The following SPINK9 variants were observed in gnomAD, a reference collection of about 807,000 sequenced individuals.
SPINK9 encodes the protein serine peptidase inhibitor Kazal type 9.
SPINK9 carries 3 observed loss-of-function variants against 10.8 expected under a neutral mutation model. The ratio of observed to expected loss-of-function variants is 0.28; its 90% CI spans 0.13 to 0.72. The LOEUF (loss-of-function observed/expected upper bound fraction) is 0.72, where lower values mean the gene tolerates loss of function less well. Among genes scored for constraint, SPINK9 ranks in the 30% least tolerant of loss-of-function variants. SPINK9 has a pLI of 0.74. For synonymous variants in SPINK9, 30 were observed against 31.2 expected (o/e 0.96, Z 0.12); for missense variants, 101 against 103.2 (o/e 0.98, Z 0.09).
At chr5:148,325,320 A>G (rs985618319) in intron 2 of SPINK9, among the ~76,000 whole-genome samples, 8 of 152,084 alleles carry the variant, frequency 5.3e-5, no homozygotes, top group African/African-American at 1.9e-4. Context: ...TCTATGTTTA[A>G]CTTTTTGAGG....
intron 2 of SPINK9, among the ~76,000 whole-genome samples, chr5:148,325,212 T>C (rs1757043957): frequency 6.6e-6 from 1 of 152,118 alleles, no homozygotes; most frequent in Non-Finnish European, 1.5e-5. Context: ...ATTTGGGGTT[T>C]TATAAATAAG....
chr5:148,327,602 T>A (rs200019324), intron 2 of SPINK9, among the ~76,000 whole-genome samples: 5 of 151,978 alleles, frequency 3.3e-5, no homozygotes, highest in Admixed American at 6.6e-5. Context: ...CTGAATGGTA[T>A]TGCCTAGGTT....
Position 148,338,494 on chromosome 5 carries a change from A to G in SPINK9, c.104A>G (p.Tyr35Cys). Residue 35 changes from tyrosine (Y) to cysteine (C), a missense_variant, in exon 3 of 4, where the codon TAT becomes TGT. Coordinates refer to ENST00000377906, the MANE Select transcript of SPINK9 (RefSeq NM_001040433.2). ...TTTTTTCAGGTTGACTGCAGTCATT[A>G]TAAAAAGTTACCACCAGGACAACAG... ...QTKQMVDCSH[Y>C]KKLPPGQQRF... The G allele has an allele frequency of 6.2e-7, 1 of 1,604,322 alleles. No homozygotes were observed. Among genetic ancestry groups the G allele is most frequent in the Non-Finnish European group, 8.5e-7 (1 of 1,176,758 alleles).
chr5:148,332,703 TCTAAAGTTCCA>T (rs1172349461), upstream of SPINK9, among the ~76,000 whole-genome samples: 2 of 152,214 alleles, frequency 1.3e-5, no homozygotes, highest in Non-Finnish European at 2.9e-5. Flanking sequence ...CATGGACTAT[TCTAAAGTTCCA>T]CTAAAGTGAA....
chr5:148,329,951 T>C (rs1367444712), intron 2 of SPINK9, among the ~76,000 whole-genome samples: 1 of 152,134 alleles, frequency 6.6e-6, no homozygotes, highest in African/African-American at 2.4e-5. Context: ...GGAATAGGTG[T>C]GGTGTGGTGC....
At chr5:148,333,590 T>C (rs920692318), upstream of SPINK9, among the ~76,000 whole-genome samples, 1 of 152,130 alleles carries the variant, frequency 6.6e-6, no homozygotes, top group African/African-American at 2.4e-5. Flanking sequence ...GTCATTGCCA[T>C]GGAAAGGGGC....
intron 2 of SPINK9, 76 bp from the exon 3 acceptor site, chr5:148,338,402 C>T: frequency 1.4e-6 from 2 of 1,428,598 alleles, no homozygotes; most frequent in East Asian, 4.7e-5. Flanking sequence ...GCCCTCTGAG[C>T]TTGCTTGAAA....
chr5:148,325,478 G>T (rs1391219868), intron 2 of SPINK9, among the ~76,000 whole-genome samples: 1 of 152,088 alleles, frequency 6.6e-6, no homozygotes, highest in Non-Finnish European at 1.5e-5. Context: ...TGGATGGGGA[G>T]TGATAACTGA....
At chr5:148,327,438 T>C (rs1757079330) in intron 2 of SPINK9, among the ~76,000 whole-genome samples, 1 of 152,186 alleles carries the variant, frequency 6.6e-6, no homozygotes, top group East Asian at 1.9e-4. Context: ...GCAAAAATTT[T>C]CTCTCATTCT....
chr5:148,321,640 T>C (rs902760733), intron 1 of SPINK9, among the ~76,000 whole-genome samples: 2 of 152,194 alleles, frequency 1.3e-5, no homozygotes, highest in Non-Finnish European at 2.9e-5. Flanking sequence ...TATGGTATCA[T>C]TGACTTAAAA....
chr5:148,329,170 C>T (rs2113415193), intron 2 of SPINK9, among the ~76,000 whole-genome samples: 2 of 152,200 alleles, frequency 1.3e-5, no homozygotes. Context: ...TTAATTATTG[C>T]CTCAATTTCA....
intron 3 of SPINK9, among the ~76,000 whole-genome samples, chr5:148,339,239 T>C (rs1474472800): frequency 1.3e-5 from 2 of 152,064 alleles, no homozygotes; most frequent in Admixed American, 6.6e-5. Context: ...AATTATAAAA[T>C]AATGAATGAT....
upstream of SPINK9, among the ~76,000 whole-genome samples, chr5:148,331,741 C>T (rs1346900956): frequency 6.6e-6 from 1 of 152,066 alleles, no homozygotes; most frequent in Non-Finnish European, 1.5e-5. Context: ...TAAATGTATA[C>T]AATTATTATT....
intron 2 of SPINK9, among the ~76,000 whole-genome samples, chr5:148,329,879 A>G (rs1346507101): frequency 6.6e-6 from 1 of 152,118 alleles, no homozygotes; most frequent in Non-Finnish European, 1.5e-5. Context: ...ACAGTTTGTT[A>G]TAATTTCTGT....
rs754610001 is a variant in SPINK9, at chr5:148,335,603, A to C, written c.-11A>C. On this transcript the variant is annotated 5_prime_UTR_variant, in exon 1 of 4. Transcript: ENST00000377906. ...TTCCCTACATCTGACTGCCTTGGCC[A>C]CTTCAGTACTATGAGAGCAACAGCC... 6.2e-7 allele frequency: 1 copy of C among 1,613,292 alleles called. No individual in the cohort carries two copies. Among genetic ancestry groups the C allele is most frequent in the South Asian group, 1.1e-5 (1 of 91,050 alleles).
At chr5:148,325,845 G>C (rs143248797) in intron 2 of SPINK9, among the ~76,000 whole-genome samples, 1 of 152,178 alleles carries the variant, frequency 6.6e-6, no homozygotes, top group East Asian at 1.9e-4. Context: ...TTTTCTAAAA[G>C]TTATTTCATT....
At chr5:148,330,136 G>A (rs1757127700) in intron 2 of SPINK9, among the ~76,000 whole-genome samples, 2 of 152,176 alleles carry the variant, frequency 1.3e-5, no homozygotes, top group South Asian at 2.1e-4. Flanking sequence ...TTATGTGGGA[G>A]TCTAAGTCTC....
At chr5:148,323,100 G>GA (rs1757017244) in intron 1 of SPINK9, among the ~76,000 whole-genome samples, 1 of 152,124 alleles carries the variant, frequency 6.6e-6, no homozygotes, top group South Asian at 2.1e-4. Flanking sequence ...TTTAATGTAT[G>GA]AAATATAAAA....
At chr5:148,333,955 T>C (rs991923131), upstream of SPINK9, among the ~76,000 whole-genome samples, 2 of 152,202 alleles carry the variant, frequency 1.3e-5, no homozygotes, top group Non-Finnish European at 2.9e-5. Context: ...CTGTTATTGC[T>C]ATTATCATCA....
Sources: allele counts gnomAD v4.1 joint callset (sites outside exome capture counted in the v4.1 genomes callset), GRCh38; gene constraint gnomAD v4.1.1; transcripts MANE v1.5; gene names NCBI Gene and HGNC (gene_info 2026-07-23, HGNC 2026-07-21).